The following DDR2 variants were observed in gnomAD, a reference collection of about 807,000 sequenced individuals.
The protein encoded by DDR2 is discoidin domain-containing receptor 2.
In DDR2, 27 loss-of-function variants were observed where a neutral mutation model predicts 94.9. The ratio of observed to expected loss-of-function variants is 0.28; its 90% confidence interval spans 0.21 to 0.39. The LOEUF (loss-of-function observed/expected upper bound fraction) is 0.39, where lower values mean the gene tolerates loss of function less well. DDR2 is among the 10% of genes least tolerant of loss of function. DDR2 has a pLI of 1.00. For missense variants in DDR2, 783 were observed against 1,076.0 expected (o/e 0.73, Z 3.81); for synonymous variants, 382 against 377.2 (o/e 1.01, Z -0.15).
intron 11 of DDR2, among the ~76,000 whole-genome samples, chr1:162,767,799 G>A (rs987936776): frequency 4.5e-5 from 2 of 44,322 alleles, no homozygotes; most frequent in Admixed American, 5.3e-4. Flanking sequence ...CACTTTGCTT[G>A]TCTGTTTGGT....
intron 1 of DDR2, among the ~76,000 whole-genome samples, chr1:162,647,632 G>A (rs1003071526): frequency 6.6e-6 from 1 of 152,166 alleles, no homozygotes; most frequent in Non-Finnish European, 1.5e-5. Context: ...AAAGGGGCAG[G>A]GATTTCCTTT....
intron 14 of DDR2, 90 bp from the exon 15 acceptor site, chr1:162,775,562 G>A: frequency 7.1e-7 from 1 of 1,400,596 alleles, no homozygotes. Flanking sequence ...TTGGCATAAT[G>A]TCCAGGAATA....
At position 162,780,182 on chromosome 1, in the gene DDR2, A is replaced by G. The variant is rs141409742; in HGVS notation, c.2504A>G (p.Asp835Gly). The G allele has an allele frequency of 4.6e-5, 75 of 1,613,852 alleles. No homozygotes were observed. Among genetic ancestry groups the G allele is most frequent in the Non-Finnish European group, 6.4e-5 (75 of 1,179,954 alleles). The change falls in exon 18 of 18, where the codon GAT (aspartate) becomes GGT (glycine). Residue 835 changes from aspartate to glycine, a missense_variant. Transcript: ENST00000367921. ...YKLMLSCWRRDTKNRPSFQEI... is the reference protein window; with the variant it reads ...YKLMLSCWRRGTKNRPSFQEI... ...CTGATGCTCAGCTGCTGGAGAAGAG[A>G]TACGAAGAACCGTCCCTCATTCCAA...
At chr1:162,685,922 G>A (rs574860746) in intron 2 of DDR2, among the ~76,000 whole-genome samples, 5 of 152,176 alleles carry the variant, frequency 3.3e-5, no homozygotes, top group Non-Finnish European at 7.4e-5. Flanking sequence ...CCAGTAAGTT[G>A]AGGTACGCAC....
chr1:162,717,643 A>T (rs1661231866), intron 2 of DDR2, among the ~76,000 whole-genome samples: 1 of 152,100 alleles, frequency 6.6e-6, no homozygotes, highest in Non-Finnish European at 1.5e-5. Flanking sequence ...AGTTTTGAGG[A>T]TTACTCATCA....
intron 3 of DDR2, among the ~76,000 whole-genome samples, chr1:162,748,586 G>A (rs1007646514): frequency 6.6e-6 from 1 of 152,164 alleles, no homozygotes; most frequent in Non-Finnish European, 1.5e-5. Context: ...GTCAACATTA[G>A]ACAGATCAAC....
intron 2 of DDR2, among the ~76,000 whole-genome samples, chr1:162,674,455 A>G (rs547352366): frequency 6.6e-6 from 1 of 152,368 alleles, no homozygotes; most frequent in Non-Finnish European, 1.5e-5. Context: ...TATACACTGA[A>G]GAATGAATGA....
intron 2 of DDR2, among the ~76,000 whole-genome samples, chr1:162,712,590 G>A (rs1433249164): frequency 1.3e-5 from 2 of 152,050 alleles, no homozygotes; most frequent in African/African-American, 4.8e-5. Flanking sequence ...TGGAGAGCTG[G>A]TGGTCTTTTG....
chr1:162,760,228 C>G (rs1211371994), intron 8 of DDR2, among the ~76,000 whole-genome samples: 1 of 151,890 alleles, frequency 6.6e-6, no homozygotes, highest in East Asian at 1.9e-4. Context: ...GGTGACATAT[C>G]CATTAAGCCA....
intron 9 of DDR2, among the ~76,000 whole-genome samples, chr1:162,761,719 A>G (rs1408663139): frequency 2.0e-5 from 3 of 152,230 alleles, no homozygotes; most frequent in African/African-American, 7.2e-5. Flanking sequence ...AATTTTATAT[A>G]ATTTAAGGTA....
intron 3 of DDR2, among the ~76,000 whole-genome samples, chr1:162,719,728 C>T (rs967329695): frequency 6.6e-6 from 1 of 152,124 alleles, no homozygotes; most frequent in Non-Finnish European, 1.5e-5. Context: ...TTATTTATTA[C>T]ACAATAATGC....
intron 1 of DDR2, among the ~76,000 whole-genome samples, chr1:162,653,582 CA>C (rs35833530): frequency 0.9 from 131,386 of 145,916 alleles, 59,804 homozygotes; most frequent in Non-Finnish European, 0.97. Flanking sequence ...GACTCTGTCT[CA>C]AAAAAAAAAA....
rs577470301 is a variant in DDR2, at chr1:162,641,418, G to A, written c.-192+8787G>A. On this transcript the variant is annotated intron_variant, in intron 1 of 17. Transcript: ENST00000367921. ...AAATACCACTCTTCTTTGAAGGCCAGCTTAAGTTTCAGATCCTCCATCCAT... is the reference window on the plus strand; with the variant it reads ...AAATACCACTCTTCTTTGAAGGCCAACTTAAGTTTCAGATCCTCCATCCAT... 3.3e-5 allele frequency among the ~76,000 whole-genome samples: 5 copies of A among 152,224 alleles called. No individual in the cohort carries two copies. In the South Asian group the frequency reaches 6.2e-4, roughly 19 times the overall value.
chr1:162,662,861 C>T (rs946240181), intron 2 of DDR2, among the ~76,000 whole-genome samples: 1 of 151,958 alleles, frequency 6.6e-6, no homozygotes, highest in East Asian at 1.9e-4. Flanking sequence ...GTGTCCTAGT[C>T]CACTTTTTCT....
At position 162,730,310 on chromosome 1, in the gene DDR2, C is replaced by T. The variant is rs117828045; in HGVS notation, c.82+11165C>T. 3.5e-3 allele frequency among the ~76,000 whole-genome samples: 531 copies of T among 152,110 alleles called. 7 individuals are homozygous for T. The highest frequency in any genetic ancestry group is 0.034 in the East Asian group (175 of 5,160). Reference sequence around the variant, plus strand: ...ATCTCCTTGCAGAGGTAGAGCAGCCCGGGACTGCAGGGGAGGGTGAGGCCT... The same window carrying T: ...ATCTCCTTGCAGAGGTAGAGCAGCCTGGGACTGCAGGGGAGGGTGAGGCCT... On this transcript the variant is annotated intron_variant, in intron 3 of 17. Transcript: ENST00000367921.
In DDR2 at chr1:162,765,946, A is replaced by T; in HGVS notation, c.1100-55A>T. On this transcript the variant is annotated intron_variant, in intron 9 of 17. Transcript: ENST00000367921. ...CTAGGTCACAATATGCCTTCAGAGAAAACACTAGCTGTCTGTCTTCTCCCT... is the reference window on the plus strand; with the variant it reads ...CTAGGTCACAATATGCCTTCAGAGATAACACTAGCTGTCTGTCTTCTCCCT... The T allele has an allele frequency of 1.9e-6, 3 of 1,572,398 alleles. 1 individual carries two copies. The East Asian group carries it at 6.7e-5, about 35-fold the overall frequency.
At position 162,772,115 on chromosome 1, in the gene DDR2, G is replaced by A; in HGVS notation, c.1596G>A (p.Val532=). 6.2e-7 allele frequency: 1 copy of A among 1,614,164 alleles called. No individual in the cohort carries two copies. Among genetic ancestry groups the A allele is most frequent in the South Asian group, 1.1e-5 (1 of 91,072 alleles). The part of the protein sequence containing the change: ...AEADIVNLQG[V]TGGNTYSVPA... ...CTGACATAGTGAACCTCCAAGGAGTGACAGGAGGCAACACATACTCAGTGC... is the reference window on the plus strand; with the variant it reads ...CTGACATAGTGAACCTCCAAGGAGTAACAGGAGGCAACACATACTCAGTGC... The change falls in exon 13 of 18, where the codon GTG becomes GTA. Residue 532 remains valine, a synonymous_variant. Transcript: ENST00000367921.
At position 162,775,652 on chromosome 1, in the gene DDR2, G is replaced by T. The variant is rs1647501817; in HGVS notation, c.1857G>T (p.Arg619Ser). ...TTATCTATGTCTGTATCCTCCCAAGGAATGATTTTCTTAAGGAGATAAAGA... is the reference window on the plus strand; with the variant it reads ...TTATCTATGTCTGTATCCTCCCAAGTAATGATTTTCTTAAGGAGATAAAGA... ...MLRADANKNA[R>S]NDFLKEIKIM... is the part of the protein sequence containing the mutation. The change falls in exon 15 of 18, where the codon AGG (arginine) becomes AGT (serine). Residue 619 changes from arginine to serine, a missense_variant and splice_region_variant. Transcript: ENST00000367921. The T allele has an allele frequency of 6.2e-7, 1 of 1,613,936 alleles. No homozygotes were observed. Among genetic ancestry groups the T allele is most frequent in the Non-Finnish European group, 8.5e-7 (1 of 1,179,940 alleles).
At chr1:162,762,516 G>A (rs1663795582) in intron 9 of DDR2, among the ~76,000 whole-genome samples, 1 of 152,066 alleles carries the variant, frequency 6.6e-6, no homozygotes. Context: ...ACCACTGTCT[G>A]AATTATTTAT....
Sources: gnomAD v4.1 joint callset for allele counts (sites outside exome capture counted in the v4.1 genomes callset) on GRCh38, gnomAD v4.1.1 for gene constraint, MANE v1.5 for transcripts, NCBI Gene and HGNC (gene_info 2026-07-23, HGNC 2026-07-21) for gene names.